SF3A3: variants seen among roughly 807,000 people sequenced by gnomAD.
The protein encoded by SF3A3 is SAP 61.
A neutral mutation model predicts 85.8 loss-of-function variants in SF3A3; 9 were observed. The observed-to-expected ratio is 0.10, with a 90% confidence interval of 0.06 to 0.18. The LOEUF is 0.18. SF3A3 is among the 10% of genes least tolerant of loss of function. The probability of loss-of-function intolerance (pLI) is 1.00; values close to 1 mark genes in which losing one functional copy is unlikely to be tolerated. For missense variants in SF3A3, 306 were observed against 593.3 expected, an observed-to-expected ratio of 0.52 and a Z score of 5.03; for synonymous variants, 195 against 204.4, an observed-to-expected ratio of 0.95 and a Z score of 0.39.
intron 12 of SF3A3, 119 bp downstream of exon 12, chr1:37,976,765 T>TAGTTTATCAGCTATC (rs1553165682): frequency 2.8e-5 from 20 of 712,856 alleles, no homozygotes; most frequent in Middle Eastern, 4.8e-4. Flanking sequence ...TGTGCCATAC[T>TAGTTTATCAGCTATC]AGTTTATCAG....
intron 15 of SF3A3, among the ~76,000 whole-genome samples, chr1:37,966,254 GAA>G (rs1646299587): frequency 2.0e-5 from 3 of 149,652 alleles, no homozygotes; most frequent in Non-Finnish European, 4.5e-5. Context: ...AAAAAAAGAA[GAA>G]AAGAAAAGGC....
rs1570462940 is a variant in SF3A3, at chr1:37,975,168, T to C, written c.1005+1716A>G. ...AGTGAGAGCAACTTCTGGAAAGTAT[T>C]TGGCTAGAACTGGTTGGAATTCCGA... is the stretch of plus-strand genomic sequence containing the variant. On this transcript the variant is annotated intron_variant, in intron 12 of 16. Transcript: ENST00000373019. Among the ~76,000 whole-genome samples, 5 of 152,196 alleles carry C rather than the reference T, an allele frequency of 3.3e-5. No individual in the cohort carries two copies. In the South Asian group the frequency reaches 1.0e-3, roughly 32 times the overall value.
intron 12 of SF3A3, among the ~76,000 whole-genome samples, chr1:37,972,450 C>T (rs1220095966): frequency 6.6e-6 from 1 of 152,186 alleles, no homozygotes; most frequent in East Asian, 1.9e-4. Context: ...TTTATAGACT[C>T]AATGCCATCC....
At chr1:37,967,381 T>C (rs1249346787) in intron 15 of SF3A3, among the ~76,000 whole-genome samples, 2 of 151,088 alleles carry the variant, frequency 1.3e-5, no homozygotes, top group Non-Finnish European at 1.5e-5. Context: ...CCGTCTCTAC[T>C]AAAAATACAA....
intron 16 of SF3A3, 83 bp from the exon 17 acceptor site, chr1:37,958,346 C>A: frequency 1.1e-6 from 1 of 934,346 alleles, no homozygotes; most frequent in Non-Finnish European, 1.8e-6. Flanking sequence ...TGAGCTCATC[C>A]TGGCCTGATT....
In SF3A3 at chr1:37,989,830, C is replaced by T. The variant is rs1271340231; in HGVS notation, c.96+40G>A. The T allele has an allele frequency of 1.3e-5, 20 of 1,498,618 alleles. No individual in the cohort carries two copies. The East Asian group carries it at 4.3e-4, about 32-fold the overall frequency. The allele number at this position is 1,498,618 out of a possible 1,614,324, so 92.8% of individuals were successfully genotyped here. A position where few individuals can be genotyped will look rare whatever the true frequency, so the allele number is the denominator to read the frequency against. ...TCAGAGGTCAAACACGGGATAGAGG[C>T]TCGTGCTCCTGCCGCAGCCTCTGCT... On this transcript the variant is annotated intron_variant, in intron 1 of 16. Transcript: ENST00000373019.
At chr1:37,958,732 G>A (rs1570449808) in intron 16 of SF3A3, among the ~76,000 whole-genome samples, 1 of 152,072 alleles carries the variant, frequency 6.6e-6, no homozygotes, top group African/African-American at 2.4e-5. Context: ...ATATATCAGA[G>A]TACTATATTA....
At chr1:37,982,870 G>A (rs1004142841) in intron 6 of SF3A3, among the ~76,000 whole-genome samples, 4 of 152,052 alleles carry the variant, frequency 2.6e-5, no homozygotes, top group Non-Finnish European at 5.9e-5. Context: ...TGAGGCAGGA[G>A]GATTGATTGA....
intron 4 of SF3A3, among the ~76,000 whole-genome samples, chr1:37,985,730 T>G (rs551007532): frequency 6.6e-6 from 1 of 152,312 alleles, no homozygotes; most frequent in Non-Finnish European, 1.5e-5. Flanking sequence ...GGTATTCATT[T>G]ATTCTCCCTT....
intron 15 of SF3A3, among the ~76,000 whole-genome samples, chr1:37,964,988 G>A (rs1198790530): frequency 4.0e-5 from 6 of 151,848 alleles, no homozygotes; most frequent in South Asian, 2.1e-4. Context: ...GTGAAACCCC[G>A]TCTCTACTAA....
intron 4 of SF3A3, among the ~76,000 whole-genome samples, chr1:37,985,576 A>G (rs1397638799): frequency 2.6e-5 from 4 of 152,220 alleles, no homozygotes; most frequent in African/African-American, 4.8e-5. Context: ...TCATGCCTGC[A>G]TAGGTTTTTG....
At chr1:37,971,839 T>C (rs1036646971) in intron 12 of SF3A3, among the ~76,000 whole-genome samples, 4 of 152,070 alleles carry the variant, frequency 2.6e-5, no homozygotes, top group African/African-American at 9.7e-5. Flanking sequence ...ATAAACTAGG[T>C]ATTAATAGGA....
At chr1:37,976,716 A>G (rs1646381926) in intron 12 of SF3A3, among the ~76,000 whole-genome samples, 168 bp downstream of exon 12, 1 of 152,166 alleles carries the variant, frequency 6.6e-6, no homozygotes, top group Non-Finnish European at 1.5e-5. Context: ...ACAACAGAAT[A>G]GGAACTTACT....
chr1:37,970,637 C>A (rs1570459683), intron 12 of SF3A3, among the ~76,000 whole-genome samples: 1 of 152,156 alleles, frequency 6.6e-6, no homozygotes. Context: ...TGTAAAAGAA[C>A]AGAAATTATA....
At chr1:37,974,749 A>T (rs1646368276) in intron 12 of SF3A3, among the ~76,000 whole-genome samples, 1 of 152,240 alleles carries the variant, frequency 6.6e-6, no homozygotes, top group African/African-American at 2.4e-5. Context: ...CCTACTGCTT[A>T]TAAGGCAAAG....
chr1:37,983,687 C>T (rs1646436565), intron 6 of SF3A3, among the ~76,000 whole-genome samples: 1 of 148,790 alleles, frequency 6.7e-6, no homozygotes, highest in African/African-American at 2.5e-5. Flanking sequence ...TGTATCCCAA[C>T]ACTGTGGGAG....
intron 12 of SF3A3, among the ~76,000 whole-genome samples, chr1:37,975,472 C>T (rs776919154): frequency 2.6e-5 from 4 of 151,762 alleles, no homozygotes; most frequent in Non-Finnish European, 5.9e-5. Flanking sequence ...GCTGAGATCC[C>T]GCCACTGCAC....
intron 12 of SF3A3, among the ~76,000 whole-genome samples, chr1:37,976,200 C>G (rs1646378759): frequency 6.6e-6 from 1 of 151,622 alleles, no homozygotes; most frequent in African/African-American, 2.4e-5. Flanking sequence ...ATCAGAAAGG[C>G]TGGTCTTCTG....
At chr1:37,976,779 T>A in intron 12 of SF3A3, 105 bp downstream of exon 12, 1 of 766,182 alleles carries the variant, frequency 1.3e-6, no homozygotes. Context: ...TTATCAGCTA[T>A]CCACTCCTCT....
Sources: gnomAD v4.1 joint callset for allele counts (sites outside exome capture counted in the v4.1 genomes callset) on GRCh38, gnomAD v4.1.1 for gene constraint, MANE v1.5 for transcripts, NCBI Gene and HGNC (gene_info 2026-07-23, HGNC 2026-07-21) for gene names.